The following LRRC66 variants were observed in gnomAD, a reference collection of about 807,000 sequenced individuals.
LRRC66 encodes the protein leucine rich repeat containing 66, also known as leucine-rich repeat-containing protein 66.
A neutral mutation model predicts 24.6 loss-of-function variants in LRRC66; 29 were observed. That is an observed-to-expected ratio of 1.18 (90% CI 0.88 to 1.61). The LOEUF (loss-of-function observed/expected upper bound fraction) is 1.61, where lower values mean the gene tolerates loss of function less well. Among genes scored for constraint, LRRC66 ranks in the 40% most tolerant of loss-of-function variants. The pLI, the probability that LRRC66 is intolerant of heterozygous loss-of-function variation, is 0.00. For missense variants in LRRC66, 1,124 were observed against 1,058.0 expected, an observed-to-expected ratio of 1.06 and a Z score of -0.87; for synonymous variants, 411 against 397.6, an observed-to-expected ratio of 1.03 and a Z score of -0.40.
intron 2 of LRRC66, among the ~76,000 whole-genome samples, 186 bp downstream of exon 2, chr4:52,016,932 T>C (rs1736823960): frequency 6.6e-6 from 1 of 152,172 alleles, no homozygotes; most frequent in East Asian, 1.9e-4. Flanking sequence ...GAGACTAAAT[T>C]TCATTAGCTG....
In LRRC66 at chr4:51,995,859, A is replaced by C; in HGVS notation, c.1163T>G (p.Leu388Arg). 6.2e-7 allele frequency: 1 copy of C among 1,614,176 alleles called. No individual in the cohort carries two copies. The highest frequency in any genetic ancestry group is 8.5e-7 in the Non-Finnish European group (1 of 1,180,032). The change falls in exon 5 of 5, where the codon CTT becomes CGT. Residue 388 changes from leucine to arginine, a missense_variant. Leu to Arg is a moderately radical substitution (Grantham distance 102, BLOSUM62 -2). Transcript: ENST00000682860. The part of the protein sequence containing the change: ...AVCLSVFITF[L>R]VAFSLGAFTR... ...GAAAGCCCCCAGGCTGAAGGCGACA[A>C]GGAATGTGATGAACACTGACAGGCA...
At position 51,994,314 on chromosome 4, in the gene LRRC66, TC is replaced by T. The variant is rs1236691592; in HGVS notation, c.*64del. On this transcript the variant is annotated 3_prime_UTR_variant, in exon 5 of 5. Transcript: ENST00000682860. ...GATCTTGTTGTGAAGGCTTTAGTTT[TC>T]CCCTGCCATGATCTTTAAAAGAATA... 6 of 1,426,918 alleles carry T rather than the reference TC, an allele frequency of 4.2e-6. No individual in the cohort carries two copies. The highest frequency in any genetic ancestry group is 4.7e-6 in the Non-Finnish European group (5 of 1,058,016). 88.4% of individuals were successfully genotyped at this position (1,426,918 alleles called of 1,614,324 possible).
intron 2 of LRRC66, among the ~76,000 whole-genome samples, chr4:52,009,376 G>A (rs1428555814): frequency 2.0e-5 from 3 of 151,912 alleles, no homozygotes; most frequent in Non-Finnish European, 4.4e-5. Context: ...GTAAGCAGAA[G>A]AAAGGAAATC....
At chr4:52,018,397 GTGATT>G in intron 1 of LRRC66, 1 of 984,706 alleles carries the variant, frequency 1.0e-6, no homozygotes, top group Non-Finnish European at 1.2e-6. Flanking sequence ...GGTAATTTTT[GTGATT>G]TGTTTTAAAC....
At chr4:52,006,388 C>A (rs1176112109) in intron 2 of LRRC66, among the ~76,000 whole-genome samples, 1 of 152,004 alleles carries the variant, frequency 6.6e-6, no homozygotes, top group East Asian at 1.9e-4. Context: ...ATGATGAGTT[C>A]ATGTCCTTTG....
chr4:52,014,016 G>A (rs185700538), intron 2 of LRRC66, among the ~76,000 whole-genome samples: 57 of 152,342 alleles, frequency 3.7e-4, no homozygotes, highest in African/African-American at 1.3e-3. Context: ...CACTTTGGGA[G>A]GGTGAGGCCT....
intron 2 of LRRC66, among the ~76,000 whole-genome samples, chr4:52,013,009 T>C (rs1578118110): frequency 6.6e-6 from 1 of 152,330 alleles, no homozygotes; most frequent in Admixed American, 6.5e-5. Flanking sequence ...CAATTAAGAA[T>C]TGGAATAGAG....
At chr4:52,002,408 C>T (rs938638791) in intron 3 of LRRC66, among the ~76,000 whole-genome samples, 1 of 152,050 alleles carries the variant, frequency 6.6e-6, no homozygotes, top group African/African-American at 2.4e-5. Context: ...AGTAGTGCTA[C>T]ACTGCAGGCC....
chr4:52,003,199 A>G (rs771066959), intron 3 of LRRC66, 24 bp downstream of exon 3: 2 of 1,576,828 alleles, frequency 1.3e-6, no homozygotes, highest in Middle Eastern at 1.7e-4. Flanking sequence ...CCTTATTCAA[A>G]TATTATAAAA....
intron 3 of LRRC66, among the ~76,000 whole-genome samples, chr4:52,002,839 C>T (rs977938093): frequency 2.0e-5 from 3 of 152,174 alleles, no homozygotes; most frequent in South Asian, 2.1e-4. Flanking sequence ...CCTCCCCAAG[C>T]GTTCCATATT....
At chr4:52,009,633 C>T (rs896722720) in intron 2 of LRRC66, among the ~76,000 whole-genome samples, 3 of 152,012 alleles carry the variant, frequency 2.0e-5, no homozygotes, top group African/African-American at 7.2e-5. Flanking sequence ...ACTACCAATA[C>T]TCACTCAAAA....
chr4:51,994,523 CTTGGA>C lies in LRRC66; in HGVS notation c.2494_2498del (p.Ser832GlyfsTer9), dbSNP rs766461725. ...TAAGTGAGCAATGCCATTCTGCTGC[CTTGGA>C]TTGAAGAGCTGTGTCATAATCATAA... On this transcript the variant is annotated frameshift_variant, in exon 5 of 5. Transcript: ENST00000682860. LOFTEE classifies it low-confidence loss of function (END_TRUNC). The C allele has an allele frequency of 1.9e-5, 30 of 1,614,072 alleles. No individual in the cohort carries two copies. Among genetic ancestry groups the C allele is most frequent in the African/African-American group, 2.7e-5 (2 of 74,914 alleles).
chr4:52,013,982 G>A lies in LRRC66; in HGVS notation c.496+3136C>T, dbSNP rs182535616. 3.0e-4 allele frequency among the ~76,000 whole-genome samples: 45 copies of A among 152,344 alleles called. No homozygotes were observed. In the East Asian group the frequency reaches 5.8e-3, roughly 20 times the overall value. ...TAAAAAATAACTTGAGGCCGGGCAC[G>A]GTGGCTCACGCCTCTAATCCCAGCA... On this transcript the variant is annotated intron_variant, in intron 2 of 4. Coordinates refer to ENST00000682860, the MANE Select transcript of LRRC66 (RefSeq NM_001024611.3).
intron 3 of LRRC66, among the ~76,000 whole-genome samples, chr4:51,998,671 G>A (rs551801249): frequency 2.0e-5 from 3 of 152,320 alleles, no homozygotes; most frequent in African/African-American, 7.2e-5. Context: ...GGGGAAAGGG[G>A]AACAAGAAGT....
At chr4:52,011,517 C>T (rs1736702844) in intron 2 of LRRC66, among the ~76,000 whole-genome samples, 1 of 152,140 alleles carries the variant, frequency 6.6e-6, no homozygotes, top group Non-Finnish European at 1.5e-5. Flanking sequence ...TTGGTGAATA[C>T]TCTAAACATC....
intron 2 of LRRC66, among the ~76,000 whole-genome samples, chr4:52,006,092 G>GT (rs1291802514): frequency 6.6e-6 from 1 of 152,188 alleles, no homozygotes; most frequent in Non-Finnish European, 1.5e-5. Flanking sequence ...ATTGAATTGA[G>GT]TAAGTGCCCT....
intron 3 of LRRC66, among the ~76,000 whole-genome samples, chr4:51,998,823 T>C (rs1736382253): frequency 6.6e-6 from 1 of 152,168 alleles, no homozygotes. Flanking sequence ...TGCTACTGGG[T>C]GCTTCACATA....
At chr4:52,019,341 G>A (rs1465583870) in intron 1 of LRRC66, among the ~76,000 whole-genome samples, 2 of 150,722 alleles carry the variant, frequency 1.3e-5, no homozygotes, top group African/African-American at 4.9e-5. Context: ...GTTTTGCTTT[G>A]TATCTGTTCT....
At chr4:52,003,122 A>T in intron 3 of LRRC66, 101 bp downstream of exon 3, 1 of 862,498 alleles carries the variant, frequency 1.2e-6, no homozygotes, top group South Asian at 1.9e-5. Context: ...ATTAATAGCC[A>T]GTACTACTGG....
Sources: allele counts gnomAD v4.1 joint callset (sites outside exome capture counted in the v4.1 genomes callset), GRCh38; gene constraint gnomAD v4.1.1; transcripts MANE v1.5; gene names NCBI Gene and HGNC (gene_info 2026-07-23, HGNC 2026-07-21).